Variants in PRMT8 observed in about 807,000 individuals in gnomAD.
PRMT8 encodes protein arginine N-methyltransferase 8.
In PRMT8, 7 loss-of-function variants were observed where a neutral mutation model predicts 47.1. The ratio of observed to expected loss-of-function variants is 0.15; its 90% confidence interval spans 0.08 to 0.28. PRMT8 has a LOEUF of 0.28. PRMT8 is among the 10% of genes least tolerant of loss of function. The pLI is 1.00. For synonymous variants in PRMT8, 188 were observed against 186.5 expected (o/e 1.01, Z -0.07); for missense variants, 237 against 505.4 (o/e 0.47, Z 5.09).
chr12:3,396,907 C>G (rs1480091423), intron 1 of PRMT8, among the ~76,000 whole-genome samples: 2 of 151,744 alleles, frequency 1.3e-5, no homozygotes, highest in African/African-American at 4.8e-5. Flanking sequence ...AGGCTTTGCT[C>G]ATTTCTTTTT....
intron 1 of PRMT8, among the ~76,000 whole-genome samples, chr12:3,496,725 G>A (rs911623354): frequency 2.6e-5 from 4 of 152,098 alleles, no homozygotes; most frequent in Admixed American, 6.5e-5. Context: ...CTCAATAAGC[G>A]TTTATGATTA....
rs568454870 is a variant in PRMT8, at chr12:3,436,589, C to T, written c.48+55147C>T. Among the ~76,000 whole-genome samples, 4 of 152,244 alleles carry T rather than the reference C, an allele frequency of 2.6e-5. No individual in the cohort carries two copies. The East Asian group carries it at 7.7e-4, about 29-fold the overall frequency. On this transcript the variant is annotated intron_variant, in intron 1 of 9. Coordinates refer to the PRMT8 transcript ENST00000452611. This position sits in a 1 kb window ranked among gnomAD's most constrained non-coding sequence, Gnocchi z 4.2. ...ATTTTTCTAAGAGGAGGCAGGAATGCGGCCGACTGGGCTCCACTGTCCCCT... is the reference window on the plus strand; with the variant it reads ...ATTTTTCTAAGAGGAGGCAGGAATGTGGCCGACTGGGCTCCACTGTCCCCT...
intron 1 of PRMT8, among the ~76,000 whole-genome samples, chr12:3,390,137 T>G (rs1565396381): frequency 6.6e-6 from 1 of 152,254 alleles, no homozygotes; most frequent in Non-Finnish European, 1.5e-5. Context: ...AGGGCACTAA[T>G]TGCAGCTCCA....
intron 4 of PRMT8, among the ~76,000 whole-genome samples, chr12:3,565,807 G>C (rs1282433052): frequency 6.6e-6 from 1 of 152,070 alleles, no homozygotes; most frequent in Non-Finnish European, 1.5e-5. Flanking sequence ...TCTCTTTGGG[G>C]GACACCTGAG....
chr12:3,420,003 GGA>G (rs1300907192), intron 1 of PRMT8, among the ~76,000 whole-genome samples: 2 of 111,484 alleles, frequency 1.8e-5, no homozygotes, highest in East Asian at 2.8e-4. Flanking sequence ...GGGGAGAGGG[GGA>G]GAGAGGGGAA....
In PRMT8 at chr12:3,553,725, C is replaced by T. The variant is rs771477544; in HGVS notation, c.481+11C>T. 12 of 1,569,966 alleles carry T rather than the reference C, an allele frequency of 7.6e-6. No homozygotes were observed. In the East Asian group the frequency reaches 9.0e-5, roughly 12 times the overall value. On this transcript the variant is annotated intron_variant, in intron 4 of 9. Transcript: ENST00000382622. ...ACCACTTGGACAACAGTAAGACATA[C>T]CTCTGAGTGTTTTCTCCTGGATGGA...
At chr12:3,522,450 G>A (rs975970711) in intron 1 of PRMT8, among the ~76,000 whole-genome samples, 1 of 152,052 alleles carries the variant, frequency 6.6e-6, no homozygotes, top group African/African-American at 2.4e-5. Context: ...AGGATCACAA[G>A]GTCAGGAGTT....
intron 1 of PRMT8, among the ~76,000 whole-genome samples, chr12:3,431,813 G>A (rs1453871948): frequency 6.6e-6 from 1 of 152,206 alleles, no homozygotes; most frequent in Non-Finnish European, 1.5e-5. Flanking sequence ...CTTCCAAGAA[G>A]CTTGTCTTGA....
intron 4 of PRMT8, 82 bp from the exon 5 acceptor site, chr12:3,568,624 G>C: frequency 6.6e-7 from 1 of 1,518,758 alleles, no homozygotes; most frequent in South Asian, 1.2e-5. Flanking sequence ...CTGAAACCTG[G>C]AGATCTGGCC....
intron 1 of PRMT8, among the ~76,000 whole-genome samples, chr12:3,420,673 C>T (rs967621035): frequency 1.3e-5 from 2 of 152,194 alleles, no homozygotes; most frequent in Admixed American, 1.3e-4. Context: ...ACCACGGTGT[C>T]CAGCTCAGTC....
At chr12:3,420,256 G>A (rs1230297734) in intron 1 of PRMT8, among the ~76,000 whole-genome samples, 2 of 152,078 alleles carry the variant, frequency 1.3e-5, no homozygotes, top group Admixed American at 6.5e-5. Flanking sequence ...AAAGCACAGC[G>A]ACCCATAACA....
At chr12:3,579,780 C>A (rs1427719796) in intron 7 of PRMT8, among the ~76,000 whole-genome samples, 1 of 152,180 alleles carries the variant, frequency 6.6e-6, no homozygotes, top group African/African-American at 2.4e-5. Flanking sequence ...TCTATTTTAA[C>A]CAGACTTCTG....
rs1347185229 is a variant in PRMT8 at position 3,583,108 on chromosome 12, A to G, written c.879A>G (p.Ala293=). ...CGGAAGAGCTATCGTTCACATCTGC[A>G]TTCTGCCTGCAGATACAGCGCAACG... ...VKTEELSFTS[A]FCLQIQRNDY... The change falls in exon 8 of 10, where the codon GCA becomes GCG. Residue 293 remains alanine (A), a synonymous_variant. Coordinates refer to ENST00000382622, the MANE Select transcript of PRMT8 (RefSeq NM_019854.5). This position sits in a 1 kb window ranked among gnomAD's most constrained non-coding sequence, Gnocchi z 4.7. The G allele has an allele frequency of 6.2e-7, 1 of 1,614,140 alleles. No homozygotes were observed. The highest frequency in any genetic ancestry group is 2.2e-5 in the East Asian group (1 of 44,876).
chr12:3,435,220 C>T (rs1450267848), intron 1 of PRMT8, among the ~76,000 whole-genome samples: 1 of 152,102 alleles, frequency 6.6e-6, no homozygotes. Context: ...CCGCCCACCT[C>T]TGCCTCCCAA....
At chr12:3,587,948 T>G (rs940904646) in intron 8 of PRMT8, among the ~76,000 whole-genome samples, 9 of 151,262 alleles carry the variant, frequency 5.9e-5, no homozygotes, top group African/African-American at 2.2e-4. Context: ...TGGCAGCCAG[T>G]GGGCACGGTG....
At chr12:3,391,464 C>G (rs1473512388) in intron 1 of PRMT8, among the ~76,000 whole-genome samples, 1 of 152,154 alleles carries the variant, frequency 6.6e-6, no homozygotes, top group Non-Finnish European at 1.5e-5. Context: ...GGCAAAATCA[C>G]TCTGTGTGTG....
At chr12:3,381,852 C>G (rs1329387169) in intron 1 of PRMT8, among the ~76,000 whole-genome samples, 1 of 152,142 alleles carries the variant, frequency 6.6e-6, no homozygotes, top group East Asian at 1.9e-4. Flanking sequence ...TTCATAGCCA[C>G]GCCCACTTCC....
At position 3,569,111 on chromosome 12, in the gene PRMT8, C is replaced by T. The variant is rs190211228; in HGVS notation, c.624+263C>T. Among the ~76,000 whole-genome samples the T allele has an allele frequency of 9.2e-5, 14 of 152,272 alleles. No homozygotes were observed. The highest frequency in any genetic ancestry group is 1.3e-4 in the Non-Finnish European group (9 of 68,016). On this transcript the variant is annotated intron_variant, in intron 5 of 9. Transcript: ENST00000382622. This position sits in a 1 kb window ranked among gnomAD's most constrained non-coding sequence, Gnocchi z 8.2. Reference sequence around the variant, plus strand: ...ATAACAGACATCCGTTCTCTCTTGTCGAGTTAAAGGTCCGTTTCGGTCAGC... The same window carrying T: ...ATAACAGACATCCGTTCTCTCTTGTTGAGTTAAAGGTCCGTTTCGGTCAGC...
At position 3,557,096 on chromosome 12, in the gene PRMT8, G is replaced by A. The variant is rs1420961476; in HGVS notation, c.481+3382G>A. On this transcript the variant is annotated intron_variant, in intron 4 of 9. Transcript: ENST00000382622. The surrounding 1 kb of genome is among the most constrained non-coding windows in gnomAD (Gnocchi z 4.7). ...GAGAAGGTGAAGGGAGGTGAGTCCTGGAATGAGAGGGAAGGAGGGAGGGCA... is the reference window on the plus strand; with the variant it reads ...GAGAAGGTGAAGGGAGGTGAGTCCTAGAATGAGAGGGAAGGAGGGAGGGCA... Among the ~76,000 whole-genome samples the A allele has an allele frequency of 6.6e-6, 1 of 152,168 alleles. No homozygotes were observed. Among genetic ancestry groups the A allele is most frequent in the African/African-American group, 2.4e-5 (1 of 41,438 alleles).
Sources: gnomAD v4.1 joint callset for allele counts (sites outside exome capture counted in the v4.1 genomes callset) on GRCh38, gnomAD v4.1.1 for gene constraint, Gnocchi (gnomAD v3.1) non-coding constraint, MANE v1.5 for transcripts, NCBI Gene and HGNC (gene_info 2026-07-23, HGNC 2026-07-21) for gene names.